The following PTPN11 variants were observed in gnomAD, a reference collection of about 807,000 sequenced individuals.
PTPN11 encodes the protein protein tyrosine phosphatase non-receptor type 11.
In PTPN11, 6 loss-of-function variants were observed where a neutral mutation model predicts 78.8. That is an observed-to-expected ratio of 0.08 (90% CI 0.04 to 0.15). PTPN11 has a LOEUF of 0.15. PTPN11 is among the 10% of genes least tolerant of loss of function. The pLI is 1.00. For synonymous variants in PTPN11, 221 were observed against 263.5 expected, an observed-to-expected ratio of 0.84 and a Z score of 1.56; for missense variants, 386 against 744.8, an observed-to-expected ratio of 0.52 and a Z score of 5.61.
chr12:112,452,603 C>T (rs1467707138), intron 3 of PTPN11, among the ~76,000 whole-genome samples: 11 of 151,848 alleles, frequency 7.2e-5, no homozygotes, highest in Non-Finnish European at 1.2e-4. Context: ...TCATAGCGCA[C>T]TGCAGCCTCG....
chr12:112,426,749 GTCTT>G (rs915177602), intron 1 of PTPN11, among the ~76,000 whole-genome samples: 17 of 152,010 alleles, frequency 1.1e-4, no homozygotes, highest in Non-Finnish European at 1.9e-4. Flanking sequence ...GTGTGTGTAA[GTCTT>G]TCTATGAGAT....
At chr12:112,463,456 G>C (rs1166080005) in intron 6 of PTPN11, among the ~76,000 whole-genome samples, 2 of 152,148 alleles carry the variant, frequency 1.3e-5, no homozygotes, top group African/African-American at 4.8e-5. Flanking sequence ...CAAAGCTTAG[G>C]AACAAAGTCA....
At chr12:112,440,044 C>T (rs1375496194) in intron 1 of PTPN11, among the ~76,000 whole-genome samples, 1 of 152,094 alleles carries the variant, frequency 6.6e-6, no homozygotes, top group East Asian at 1.9e-4. Flanking sequence ...TTTCATTATA[C>T]CTTTTTGAAA....
chr12:112,423,740 CTTTTTTTT>C (rs1238357055), intron 1 of PTPN11, among the ~76,000 whole-genome samples: 1 of 110,690 alleles, frequency 9.0e-6, no homozygotes, highest in Admixed American at 9.4e-5. Context: ...CATACAATGT[CTTTTTTTT>C]TTTTTTTTTT....
intron 6 of PTPN11, among the ~76,000 whole-genome samples, chr12:112,463,104 A>G (rs1455305889): frequency 3.3e-5 from 5 of 152,198 alleles, no homozygotes; most frequent in African/African-American, 4.8e-5. Flanking sequence ...TCTAGATTCA[A>G]TAGAATCTTA....
intron 6 of PTPN11, among the ~76,000 whole-genome samples, chr12:112,472,157 C>A (rs551925563): frequency 6.6e-6 from 1 of 152,054 alleles, no homozygotes; most frequent in East Asian, 1.9e-4. Flanking sequence ...AAAATTAAAA[C>A]ATTTTTTTCT....
At chr12:112,489,237 C>A in intron 13 of PTPN11, 62 bp downstream of exon 13, 1 of 1,587,446 alleles carries the variant, frequency 6.3e-7, no homozygotes, top group South Asian at 1.1e-5. Context: ...TGGATACGCT[C>A]TCCTTTTGAG....
intron 6 of PTPN11, among the ~76,000 whole-genome samples, chr12:112,459,763 C>T (rs1460726489): frequency 3.9e-5 from 6 of 152,022 alleles, no homozygotes; most frequent in South Asian, 2.1e-4. Flanking sequence ...CCACTGCTCC[C>T]GGCCTTGAAG....
intron 6 of PTPN11, among the ~76,000 whole-genome samples, chr12:112,466,022 T>G (rs1284676588): frequency 1.3e-5 from 2 of 152,180 alleles, no homozygotes; most frequent in Non-Finnish European, 2.9e-5. Context: ...GGATCTATTC[T>G]AGGTTTTGGG....
At position 112,477,201 on chromosome 12, in the gene PTPN11, G is replaced by A. The variant is rs559850444; in HGVS notation, c.854-450G>A. Reference sequence around the variant, plus strand: ...CTGGCTAATTTTTGTATTTTTAATAGAGACAGGGTTTTGTCATGTTGGCCA... The same window carrying A: ...CTGGCTAATTTTTGTATTTTTAATAAAGACAGGGTTTTGTCATGTTGGCCA... On this transcript the variant is annotated intron_variant, in intron 7 of 15. Transcript: ENST00000351677. Among the ~76,000 whole-genome samples, 27 of 152,150 alleles carry A rather than the reference G, an allele frequency of 1.8e-4. No individual in the cohort carries two copies. In the South Asian group the frequency reaches 5.0e-3, roughly 28 times the overall value.
chr12:112,455,871 G>GT lies in PTPN11; in HGVS notation c.643-62dup, dbSNP rs140552217. ...CCTTTATGAATATCAACATAGACATGTTTTTTTTTTTTTTTTTGCATTAAC... is the reference window on the plus strand; with the variant it reads ...CCTTTATGAATATCAACATAGACATGTTTTTTTTTTTTTTTTTTGCATTAAC... On this transcript the variant is annotated intron_variant, in intron 5 of 15. Coordinates refer to ENST00000351677, the MANE Select transcript of PTPN11 (RefSeq NM_002834.5). 22,583 of 677,376 alleles carry GT rather than the reference G, an allele frequency of 0.033. 19 individuals are homozygous for GT. The highest frequency in any genetic ancestry group is 0.037 in the African/African-American group (1,703 of 45,860). 42.0% of individuals were successfully genotyped at this position (677,376 alleles called of 1,614,324 possible).
At chr12:112,422,164 G>A (rs771281547) in intron 1 of PTPN11, among the ~76,000 whole-genome samples, 4 of 152,342 alleles carry the variant, frequency 2.6e-5, no homozygotes, top group South Asian at 2.1e-4. Context: ...GAAGGTGATC[G>A]TGTGAGCTGA....
intron 1 of PTPN11, among the ~76,000 whole-genome samples, chr12:112,427,011 G>A (rs2037627210): frequency 6.6e-6 from 1 of 152,092 alleles, no homozygotes; most frequent in Admixed American, 6.6e-5. Flanking sequence ...TTGAGGGGCC[G>A]AGGCTGGCAG....
chr12:112,470,694 G>C (rs1301652140), intron 6 of PTPN11, among the ~76,000 whole-genome samples: 1 of 152,132 alleles, frequency 6.6e-6, no homozygotes, highest in African/African-American at 2.4e-5. Context: ...GTTCGTAAAT[G>C]AAGGCCCGAA....
intron 13 of PTPN11, among the ~76,000 whole-genome samples, chr12:112,496,260 CCTCTCGTTT>C (rs2038812585): frequency 6.6e-6 from 1 of 152,116 alleles, no homozygotes; most frequent in Non-Finnish European, 1.5e-5. Context: ...ATGTCCCCAC[CCTCTCGTTT>C]CTGAGTACTT....
chr12:112,442,054 G>A (rs1248407443), intron 1 of PTPN11, among the ~76,000 whole-genome samples: 1 of 152,138 alleles, frequency 6.6e-6, no homozygotes, highest in Non-Finnish European at 1.5e-5. Context: ...TGGGATTACA[G>A]GCGTGAGCCA....
chr12:112,439,785 A>T (rs79065330), intron 1 of PTPN11, among the ~76,000 whole-genome samples: 8,527 of 142,790 alleles, frequency 0.06, 275 homozygotes, highest in Middle Eastern at 0.16. Context: ...GTCCTTTTTT[A>T]AAAAAAAAAA....
chr12:112,494,775 A>G (rs1592858289), intron 13 of PTPN11, among the ~76,000 whole-genome samples: 1 of 152,228 alleles, frequency 6.6e-6, no homozygotes, highest in Non-Finnish European at 1.5e-5. Context: ...AACCTCACAT[A>G]TGTGTACAGA....
chr12:112,501,846 GA>G (rs2038877369), intron 13 of PTPN11, among the ~76,000 whole-genome samples: 1 of 152,208 alleles, frequency 6.6e-6, no homozygotes, highest in Non-Finnish European at 1.5e-5. Flanking sequence ...ATGTGGCAAA[GA>G]AAGTGTGAAT....
Sources: allele counts gnomAD v4.1 joint callset (sites outside exome capture counted in the v4.1 genomes callset), GRCh38; gene constraint gnomAD v4.1.1; transcripts MANE v1.5; gene names NCBI Gene and HGNC (gene_info 2026-07-23, HGNC 2026-07-21).